Variants in SNTB2 observed in about 807,000 individuals in gnomAD.
The protein encoded by SNTB2 is beta-2-syntrophin.
SNTB2 carries 34 observed loss-of-function variants against 46.2 expected under a neutral mutation model. That is an observed-to-expected ratio of 0.74 (90% CI 0.56 to 0.98). SNTB2 has a LOEUF of 0.98. Ranked by LOEUF, SNTB2 falls within the 50% of genes least tolerant of loss-of-function variation. The probability of loss-of-function intolerance (pLI) is 0.00; values close to 1 mark genes in which losing one functional copy is unlikely to be tolerated. For synonymous variants in SNTB2, 290 were observed against 312.6 expected (o/e 0.93, Z 0.76); for missense variants, 603 against 731.4 (o/e 0.82, Z 2.02).
At chr16:69,205,593 C>G (rs1304522502) in intron 1 of SNTB2, among the ~76,000 whole-genome samples, 1 of 152,018 alleles carries the variant, frequency 6.6e-6, no homozygotes, top group Non-Finnish European at 1.5e-5. Context: ...CTCTCTTGTC[C>G]ATTGATCCCT....
chr16:69,236,255 A>G (rs1964559643), intron 1 of SNTB2, among the ~76,000 whole-genome samples: 1 of 152,200 alleles, frequency 6.6e-6, no homozygotes, highest in South Asian at 2.1e-4. Flanking sequence ...CTTAGGCAGT[A>G]GCAAACCATA....
At chr16:69,231,137 A>C (rs1964502556) in intron 1 of SNTB2, 1 of 152,162 alleles carries the variant, frequency 6.6e-6, no homozygotes. Context: ...TCCTATATAG[A>C]GTCTAAACTT....
intron 5 of SNTB2, among the ~76,000 whole-genome samples, chr16:69,286,144 G>C (rs1007923733): frequency 6.6e-6 from 1 of 151,970 alleles, no homozygotes; most frequent in Non-Finnish European, 1.5e-5. Context: ...TAGAGATGAG[G>C]TCTTACTGTG....
chr16:69,220,259 T>C (rs1025714834), intron 1 of SNTB2, among the ~76,000 whole-genome samples: 2 of 149,182 alleles, frequency 1.3e-5, no homozygotes, highest in Non-Finnish European at 3.0e-5. Context: ...TCTCCCAGAT[T>C]CACGCCATTC....
rs764779550 is a variant in SNTB2, at chr16:69,300,866, T to C, written c.1565T>C (p.Val522Ala). Residue 522 changes from valine to alanine, a missense_variant, in exon 7 of 7, where the codon GTA (valine) becomes GCA (alanine). Val to Ala is a moderately conservative substitution (Grantham distance 64). Transcript: ENST00000336278. The part of the protein sequence containing the change: ...MDLHSCPKPI[V>A]FVLHTFLSAK... ...CTGCACTCTTGTCCGAAGCCGATTGTATTTGTGTTGCACACGTTTTTATCG... is the reference window on the plus strand; with the variant it reads ...CTGCACTCTTGTCCGAAGCCGATTGCATTTGTGTTGCACACGTTTTTATCG... 6.2e-7 allele frequency: 1 copy of C among 1,614,182 alleles called. No individual in the cohort carries two copies. Among genetic ancestry groups the C allele is most frequent in the African/African-American group, 1.3e-5 (1 of 75,070 alleles).
chr16:69,305,521 G>C lies in SNTB2; in HGVS notation c.*4597G>C, dbSNP rs1965309924. 1 of 152,196 alleles carries C rather than the reference G, an allele frequency of 6.6e-6. No homozygotes were observed. The highest frequency in any genetic ancestry group is 1.5e-5 in the Non-Finnish European group (1 of 68,044). The allele number at this position is 152,196 out of a possible 1,614,324, so 9.4% of individuals were successfully genotyped here. On this transcript the variant is annotated 3_prime_UTR_variant, in exon 7 of 7. Coordinates refer to ENST00000336278, the MANE Select transcript of SNTB2 (RefSeq NM_006750.4). ...TCTTTTTTCAATTCCTAATGAATAA[G>C]TAAAATGCCAGATCTCTTTGGTCTC...
chr16:69,245,626 CA>C lies in SNTB2; in HGVS notation c.606del (p.Tyr203IlefsTer7). The C allele has an allele frequency of 6.2e-7, 1 of 1,613,926 alleles. No individual in the cohort carries two copies. Among genetic ancestry groups the C allele is most frequent in the Non-Finnish European group, 8.5e-7 (1 of 1,179,918 alleles). On this transcript the variant is annotated frameshift_variant, in exon 2 of 7. Transcript: ENST00000336278. LOFTEE classifies it high-confidence loss of function. ...GTCAAGTTCATCCGAGAAGTAACAC[CA>C]TATATCAAGAAGCCATCATTAGTAT... ...LEVKFIREVT[P>X]YIKKPSLVSD...
chr16:69,241,168 C>CTTTT (rs747664809), intron 1 of SNTB2, among the ~76,000 whole-genome samples: 14 of 59,308 alleles, frequency 2.4e-4, no homozygotes, highest in African/African-American at 3.5e-4. Context: ...CCTGGATAAG[C>CTTTT]TTTTTTTTTT....
intron 1 of SNTB2, among the ~76,000 whole-genome samples, chr16:69,202,300 G>A (rs1394217546): frequency 6.6e-6 from 1 of 150,724 alleles, no homozygotes; most frequent in Non-Finnish European, 1.5e-5. Flanking sequence ...TAGTTAGTAG[G>A]CATTACTTTG....
chr16:69,234,769 CT>C (rs1239590555), intron 1 of SNTB2, among the ~76,000 whole-genome samples: 1 of 148,852 alleles, frequency 6.7e-6, no homozygotes, highest in African/African-American at 2.5e-5. Flanking sequence ...GTGGCATGAT[CT>C]TGTCTCACTG....
At chr16:69,272,927 G>T (rs1304728532) in intron 4 of SNTB2, among the ~76,000 whole-genome samples, 4 of 149,066 alleles carry the variant, frequency 2.7e-5, no homozygotes, top group African/African-American at 9.8e-5. Flanking sequence ...AAAATGATAT[G>T]AATAGATACT....
chr16:69,300,452 G>A (rs774976993), intron 6 of SNTB2, among the ~76,000 whole-genome samples: 16 of 151,932 alleles, frequency 1.1e-4, no homozygotes, highest in Admixed American at 2.6e-4. Flanking sequence ...GGGTTTCACC[G>A]TGTTAGCCAG....
chr16:69,290,913 T>A (rs1483862356), intron 5 of SNTB2, among the ~76,000 whole-genome samples: 1 of 152,236 alleles, frequency 6.6e-6, no homozygotes, highest in Non-Finnish European at 1.5e-5. Flanking sequence ...CTCACACTTA[T>A]GACCAGGTTA....
At chr16:69,286,474 AG>A (rs1200694271) in intron 5 of SNTB2, among the ~76,000 whole-genome samples, 1 of 152,166 alleles carries the variant, frequency 6.6e-6, no homozygotes, top group Non-Finnish European at 1.5e-5. Context: ...GTTTGAGCCC[AG>A]GAGTTTGAGA....
At chr16:69,289,202 G>A (rs1965135401) in intron 5 of SNTB2, among the ~76,000 whole-genome samples, 1 of 150,428 alleles carries the variant, frequency 6.6e-6, no homozygotes, top group Admixed American at 6.7e-5. Context: ...CCGGGAGGCA[G>A]AGGTTGCGGT....
intron 5 of SNTB2, among the ~76,000 whole-genome samples, chr16:69,296,385 A>G (rs1965224012): frequency 1.3e-5 from 2 of 152,056 alleles, no homozygotes; most frequent in African/African-American, 4.8e-5. Context: ...TTTGCTTTCC[A>G]TTCTTTCCTT....
At chr16:69,273,853 A>C (rs1422467396) in intron 4 of SNTB2, among the ~76,000 whole-genome samples, 1 of 152,188 alleles carries the variant, frequency 6.6e-6, no homozygotes, top group African/African-American at 2.4e-5. Flanking sequence ...TTCATTTGTT[A>C]AGTGCACCCT....
intron 1 of SNTB2, among the ~76,000 whole-genome samples, chr16:69,228,001 G>T (rs1335766433): frequency 6.6e-6 from 1 of 151,912 alleles, no homozygotes; most frequent in Non-Finnish European, 1.5e-5. Flanking sequence ...TGGACTACAG[G>T]TGTGCACCCC....
intron 3 of SNTB2, among the ~76,000 whole-genome samples, chr16:69,266,359 A>T (rs1205702399): frequency 1.3e-5 from 2 of 152,128 alleles, no homozygotes; most frequent in South Asian, 4.1e-4. Context: ...GTGAGAGTCT[A>T]TTGTAAAAAC....
Sources: allele counts gnomAD v4.1 joint callset (sites outside exome capture counted in the v4.1 genomes callset), GRCh38; gene constraint gnomAD v4.1.1; transcripts MANE v1.5; gene names NCBI Gene and HGNC (gene_info 2026-07-23, HGNC 2026-07-21).